Variants in TBC1D8 observed in about 807,000 individuals in gnomAD.
TBC1D8 encodes BUB2-like protein 1.
TBC1D8 carries 65 observed loss-of-function variants against 118.8 expected under a neutral mutation model. The ratio of observed to expected loss-of-function variants is 0.55; its 90% CI spans 0.45 to 0.67. The LOEUF (loss-of-function observed/expected upper bound fraction) is 0.67. Among genes scored for constraint, TBC1D8 ranks in the 30% least tolerant of loss-of-function variants. The pLI, the probability that TBC1D8 is intolerant of heterozygous loss-of-function variation, is 0.00. For synonymous variants in TBC1D8, 566 were observed against 595.8 expected (o/e 0.95, Z 0.73); for missense variants, 1,376 against 1,471.2 (o/e 0.94, Z 1.06).
chr2:101,113,497 G>A (rs761884862), intron 1 of TBC1D8, among the ~76,000 whole-genome samples: 19 of 152,110 alleles, frequency 1.2e-4, no homozygotes, highest in Non-Finnish European at 2.2e-4. Context: ...CTTGTTCAGC[G>A]AGACTCACAG....
chr2:101,081,649 G>A (rs1016671994), intron 2 of TBC1D8, among the ~76,000 whole-genome samples: 1 of 152,356 alleles, frequency 6.6e-6, no homozygotes, highest in Non-Finnish European at 1.5e-5. Flanking sequence ...TCCTCTTCCA[G>A]TAACCAGAGG....
intron 1 of TBC1D8, among the ~76,000 whole-genome samples, chr2:101,095,105 C>T (rs935249640): frequency 1.5e-4 from 23 of 152,194 alleles, no homozygotes; most frequent in African/African-American, 5.3e-4. Flanking sequence ...GGTTTTAACA[C>T]CAGGAACCCC....
chr2:101,018,458 C>T (rs1679818766), intron 17 of TBC1D8, among the ~76,000 whole-genome samples: 1 of 152,138 alleles, frequency 6.6e-6, no homozygotes, highest in Admixed American at 6.5e-5. Flanking sequence ...AGAACTCATC[C>T]TTTAGACAGC....
chr2:101,032,118 G>C, intron 11 of TBC1D8, 150 bp downstream of exon 11: 1 of 687,600 alleles, frequency 1.5e-6, no homozygotes, highest in Non-Finnish European at 2.5e-6. Flanking sequence ...TCCCGAGTTA[G>C]TTTTGCAAAT....
In TBC1D8 at chr2:101,036,246, G is replaced by A. The variant is rs975825298; in HGVS notation, c.1453-78C>T. 3 of 1,540,330 alleles carry A rather than the reference G, an allele frequency of 1.9e-6. No homozygotes were observed. In the Admixed American group the frequency reaches 5.2e-5, roughly 27 times the overall value. ...CACCCACCGATGCACCGCTGGCAAT[G>A]GAGGAAGTACTGCCCCTGCTCTCCG... On this transcript the variant is annotated intron_variant, in intron 8 of 19. Coordinates refer to ENST00000409318, the MANE Select transcript of TBC1D8 (RefSeq NM_001330348.2).
chr2:101,037,389 T>C, intron 8 of TBC1D8, 143 bp downstream of exon 8: 1 of 1,230,980 alleles, frequency 8.1e-7, no homozygotes, highest in Non-Finnish European at 1.1e-6. Context: ...TGGTCACTTT[T>C]CACCCATGAG....
intron 2 of TBC1D8, among the ~76,000 whole-genome samples, chr2:101,064,079 A>G (rs1682900040): frequency 2.0e-5 from 3 of 152,174 alleles, no homozygotes; most frequent in African/African-American, 4.8e-5. Flanking sequence ...GAGAGCTGCT[A>G]TTATGGCCTG....
At chr2:101,048,119 A>AG (rs955885459) in intron 5 of TBC1D8, among the ~76,000 whole-genome samples, 1 of 152,192 alleles carries the variant, frequency 6.6e-6, no homozygotes, top group Non-Finnish European at 1.5e-5. Context: ...ACACAGGGAG[A>AG]GGGGGAGAAG....
intron 15 of TBC1D8, among the ~76,000 whole-genome samples, chr2:101,027,055 C>T (rs946430112): frequency 1.3e-5 from 2 of 152,190 alleles, no homozygotes; most frequent in African/African-American, 2.4e-5. Flanking sequence ...ACCCAGAGCC[C>T]GCACTCACTA....
chr2:101,036,009 A>G lies in TBC1D8; in HGVS notation c.1603+9T>C. The G allele has an allele frequency of 1.2e-6, 2 of 1,613,604 alleles. No individual in the cohort carries two copies. The highest frequency in any genetic ancestry group is 1.1e-5 in the South Asian group (1 of 91,066). On this transcript the variant is annotated intron_variant, in intron 9 of 19. Coordinates refer to ENST00000409318, the MANE Select transcript of TBC1D8 (RefSeq NM_001330348.2). ...GAACAATTAGCTTCGAGACACCAAG[A>G]GCGCTTACCTGAGAAGAGAAGCCAG...
chr2:101,026,039 GA>G (rs1342530289), intron 15 of TBC1D8, among the ~76,000 whole-genome samples: 2 of 152,208 alleles, frequency 1.3e-5, no homozygotes, highest in African/African-American at 4.8e-5. Flanking sequence ...GGTTGGCTTT[GA>G]AGGCCTTTTT....
chr2:101,050,340 A>T, intron 5 of TBC1D8, 61 bp downstream of exon 5: 1 of 1,561,912 alleles, frequency 6.4e-7, no homozygotes. Flanking sequence ...TACATAAGGG[A>T]TGGGCACAGC....
rs561880563 is a variant in TBC1D8 at position 101,013,045 on chromosome 2, A to G, written c.2828-1505T>C. On this transcript the variant is annotated intron_variant, in intron 17 of 19. Transcript: ENST00000409318. ...AGAACTTGGCGTACCACAAAGTAGAAATGTGTATACAAGTCACCAACAAAA... is the reference window on the plus strand; with the variant it reads ...AGAACTTGGCGTACCACAAAGTAGAGATGTGTATACAAGTCACCAACAAAA... Among the ~76,000 whole-genome samples, 21 of 152,336 alleles carry G rather than the reference A, an allele frequency of 1.4e-4. 1 individual carries two copies. In the South Asian group the frequency reaches 4.4e-3, roughly 32 times the overall value.
At chr2:101,101,294 A>G (rs1003787473) in intron 1 of TBC1D8, among the ~76,000 whole-genome samples, 1 of 152,248 alleles carries the variant, frequency 6.6e-6, no homozygotes, top group East Asian at 1.9e-4. Context: ...ACGTATGAAA[A>G]AAAGCTCAAC....
At chr2:101,065,611 T>C (rs1682971297) in intron 2 of TBC1D8, among the ~76,000 whole-genome samples, 1 of 152,242 alleles carries the variant, frequency 6.6e-6, no homozygotes, top group South Asian at 2.1e-4. Flanking sequence ...CATCCCATCA[T>C]CATGATTTAC....
At chr2:101,145,769 C>A (rs945768126) in intron 1 of TBC1D8, among the ~76,000 whole-genome samples, 2 of 152,188 alleles carry the variant, frequency 1.3e-5, no homozygotes, top group East Asian at 1.9e-4. Context: ...TTACTCACTA[C>A]GATTTAATGT....
chr2:101,057,518 C>G (rs1682506467), intron 3 of TBC1D8, among the ~76,000 whole-genome samples: 1 of 152,190 alleles, frequency 6.6e-6, no homozygotes, highest in African/African-American at 2.4e-5. Context: ...TATATGCATG[C>G]TTTTGTGTTC....
intron 5 of TBC1D8, among the ~76,000 whole-genome samples, chr2:101,045,622 G>A (rs1681651076): frequency 6.6e-6 from 1 of 152,184 alleles, no homozygotes; most frequent in African/African-American, 2.4e-5. Context: ...ATAAGGGAGG[G>A]CAAACTCAGT....
intron 3 of TBC1D8, among the ~76,000 whole-genome samples, chr2:101,054,909 C>T (rs1270624089): frequency 3.3e-5 from 5 of 150,492 alleles, no homozygotes; most frequent in Admixed American, 6.6e-5. Flanking sequence ...CTCGAACTCC[C>T]GACCTCAGGT....
Sources: allele counts gnomAD v4.1 joint callset (sites outside exome capture counted in the v4.1 genomes callset), GRCh38; gene constraint gnomAD v4.1.1; transcripts MANE v1.5; gene names NCBI Gene and HGNC (gene_info 2026-07-23, HGNC 2026-07-21).